The following MTRF1 variants were observed in gnomAD, a reference collection of about 807,000 sequenced individuals.
MTRF1 encodes mitochondrial translation release factor 1.
A neutral mutation model predicts 62.9 loss-of-function variants in MTRF1; 51 were observed. The observed-to-expected ratio is 0.81, with a 90% CI of 0.65 to 1.02. The LOEUF (loss-of-function observed/expected upper bound fraction) is 1.02. Ranked by LOEUF, MTRF1 falls within the 50% of genes least tolerant of loss-of-function variation. The pLI is 0.00. For missense variants in MTRF1, 446 were observed against 530.0 expected (o/e 0.84, Z 1.56); for synonymous variants, 158 against 181.9 (o/e 0.87, Z 1.06).
intron 2 of MTRF1, among the ~76,000 whole-genome samples, chr13:41,255,567 G>A (rs1332078264): frequency 2.0e-5 from 3 of 152,076 alleles, no homozygotes; most frequent in Non-Finnish European, 2.9e-5. Context: ...TGGTGCACGC[G>A]TGTACCCCTA....
At chr13:41,278,464 G>C in the MTRF1 span, among the ~76,000 whole-genome samples, 1 of 152,208 alleles carries the variant, frequency 6.6e-6, no homozygotes, top group Admixed American at 6.5e-5. Flanking sequence ...TATGTAAACG[G>C]AGAGGATGAA....
upstream of MTRF1, among the ~76,000 whole-genome samples, chr13:41,264,852 T>G: frequency 6.6e-6 from 1 of 152,184 alleles, no homozygotes; most frequent in South Asian, 2.1e-4. Flanking sequence ...AGGGCCACCC[T>G]GCTCCAAAAA....
chr13:41,223,323 C>T lies in MTRF1; in HGVS notation c.1157G>A (p.Arg386Gln), dbSNP rs751502730. The T allele has an allele frequency of 2.2e-5, 35 of 1,613,740 alleles. No individual in the cohort carries two copies. In the East Asian group the frequency reaches 4.7e-4, roughly 22 times the overall value. Residue 386 changes from arginine (R) to glutamine (Q), a missense_variant, in exon 9 of 10, where the codon CGG (arginine) becomes CAG (glutamine). Coordinates refer to ENST00000379480, the MANE Select transcript of MTRF1 (RefSeq NM_004294.4). ...TCTATCCTGGGTGAAATTATATGTC[C>T]GAATTCGCTCTGACTGGGCTCTTGT... is the stretch of plus-strand genomic sequence containing the variant. Reference protein sequence around the residue: ...VGTRAQSERIRTYNFTQDRVS... With the variant: ...VGTRAQSERIQTYNFTQDRVS...
the MTRF1 span, among the ~76,000 whole-genome samples, chr13:41,302,265 G>C: frequency 1.3e-5 from 2 of 151,962 alleles, no homozygotes; most frequent in Admixed American, 1.3e-4. Context: ...CCTGATCTCA[G>C]GTGAGCCACC....
chr13:41,260,558 G>C lies in MTRF1; in HGVS notation c.350C>G (p.Ala117Gly). Residue 117 changes from alanine to glycine, a missense_variant, in exon 2 of 10, where the codon GCA (alanine) becomes GGA (glycine). Coordinates refer to ENST00000379480, the MANE Select transcript of MTRF1 (RefSeq NM_004294.4). ...NRRHAELAPL[A>G]AIYQEIQETE... ...CTCCTGAATTTCTTGGTAAATGGCT[G>C]CAAGAGGTGCCAACTCAGCATGCCT... The C allele has an allele frequency of 1.9e-6, 3 of 1,614,068 alleles. No individual in the cohort carries two copies. The highest frequency in any genetic ancestry group is 2.5e-6 in the Non-Finnish European group (3 of 1,180,020).
the MTRF1 span, among the ~76,000 whole-genome samples, chr13:41,271,054 TACACACACACACAC>T: frequency 2.1e-5 from 3 of 143,292 alleles, no homozygotes; most frequent in South Asian, 2.2e-4. Flanking sequence ...GCCTTTTAAA[TACACACACACACAC>T]ACACACACAC....
the MTRF1 span, among the ~76,000 whole-genome samples, chr13:41,291,716 A>G: frequency 6.6e-6 from 1 of 152,164 alleles, no homozygotes; most frequent in African/African-American, 2.4e-5. Context: ...CAGATAAGCA[A>G]ACAGAACAGC....
chr13:41,261,699 G>A (rs1459349072), intron 1 of MTRF1: 9 of 570,704 alleles, frequency 1.6e-5, no homozygotes, highest in Admixed American at 6.3e-5. Flanking sequence ...ACTTAATCAC[G>A]ACTATTCAGT....
chr13:41,308,467 G>T, the MTRF1 span, among the ~76,000 whole-genome samples: 2 of 152,164 alleles, frequency 1.3e-5, no homozygotes, highest in Non-Finnish European at 2.9e-5. Context: ...GGGAGCCAAA[G>T]GTTTTCAGGA....
intron 9 of MTRF1, among the ~76,000 whole-genome samples, chr13:41,220,323 G>GAAAAAAA (rs1555243201): frequency 2.1e-5 from 2 of 93,322 alleles, no homozygotes; most frequent in African/African-American, 4.8e-5. Flanking sequence ...AATCTGTCTC[G>GAAAAAAA]GAAAAAAAAA....
At chr13:41,274,825 A>G in the MTRF1 span, among the ~76,000 whole-genome samples, 7 of 151,916 alleles carry the variant, frequency 4.6e-5, no homozygotes, top group Non-Finnish European at 1.0e-4. Flanking sequence ...TAGTAGAGAC[A>G]GGGTTTCACC....
chr13:41,292,341 T>C, the MTRF1 span, among the ~76,000 whole-genome samples: 1 of 152,092 alleles, frequency 6.6e-6, no homozygotes, highest in African/African-American at 2.4e-5. Flanking sequence ...TCCCAGCACT[T>C]TGGGAGACCA....
intron 9 of MTRF1, among the ~76,000 whole-genome samples, chr13:41,221,774 C>T (rs556120271): frequency 3.2e-4 from 49 of 152,174 alleles, no homozygotes; most frequent in Non-Finnish European, 5.1e-4. Flanking sequence ...ATGGTCCCAT[C>T]TAAAAGATAT....
the MTRF1 span, among the ~76,000 whole-genome samples, chr13:41,307,205 T>C: frequency 2.0e-5 from 3 of 150,886 alleles, no homozygotes; most frequent in African/African-American, 7.3e-5. Flanking sequence ...CACCCCAATC[T>C]CATCTTGAAT....
intron 9 of MTRF1, among the ~76,000 whole-genome samples, chr13:41,218,609 A>G (rs1387531745): frequency 1.3e-5 from 2 of 152,230 alleles, no homozygotes; most frequent in East Asian, 1.9e-4. Context: ...CTTTTCCTGT[A>G]TAACAGAAAT....
chr13:41,258,881 T>C (rs550211396), intron 2 of MTRF1, among the ~76,000 whole-genome samples: 1 of 152,332 alleles, frequency 6.6e-6, no homozygotes, highest in African/African-American at 2.4e-5. Context: ...TATCTGATCA[T>C]GGACTTTTAC....
chr13:41,269,185 GT>G, the MTRF1 span, among the ~76,000 whole-genome samples: 15 of 96,496 alleles, frequency 1.6e-4, no homozygotes, highest in African/African-American at 4.1e-4. Flanking sequence ...CTTTTACCTT[GT>G]TTTTTTTTTT....
At chr13:41,289,897 C>T in the MTRF1 span, among the ~76,000 whole-genome samples, 1 of 152,136 alleles carries the variant, frequency 6.6e-6, no homozygotes, top group Admixed American at 6.6e-5. Flanking sequence ...ACATATTCAC[C>T]TGACCTCCCG....
At chr13:41,287,879 C>A in the MTRF1 span, 1 of 377,632 alleles carries the variant, frequency 2.6e-6, no homozygotes, top group South Asian at 2.5e-5. Context: ...CGCCAATCTC[C>A]TTATTCCTGG....
Sources: gnomAD v4.1 joint callset for allele counts (sites outside exome capture counted in the v4.1 genomes callset) on GRCh38, gnomAD v4.1.1 for gene constraint, MANE v1.5 for transcripts, NCBI Gene and HGNC (gene_info 2026-07-23, HGNC 2026-07-21) for gene names.